The following IL1RAPL2 variants were observed in gnomAD, a reference collection of about 807,000 sequenced individuals.
The protein encoded by IL1RAPL2 is interleukin 1 receptor accessory protein like 2.
In IL1RAPL2, 3 loss-of-function variants were observed where a neutral mutation model predicts 44.1. The observed-to-expected ratio is 0.07, with a 90% CI of 0.03 to 0.18. IL1RAPL2 has a LOEUF of 0.18. IL1RAPL2 is among the 10% of genes least tolerant of loss of function. The pLI, the probability that IL1RAPL2 is intolerant of heterozygous loss-of-function variation, is 1.00. For synonymous variants in IL1RAPL2, 181 were observed against 178.8 expected (o/e 1.01, Z -0.10); for missense variants, 391 against 496.4 (o/e 0.79, Z 2.02).
At chrX:105,570,524 C>A (rs917787006) in intron 6 of IL1RAPL2, among the ~76,000 whole-genome samples, 1 of 111,974 alleles carries the variant, frequency 8.9e-6, no homozygotes, top group Non-Finnish European at 1.9e-5. Flanking sequence ...AATCTCCATA[C>A]TGTTTTCCAC....
intron 5 of IL1RAPL2, among the ~76,000 whole-genome samples, chrX:105,448,474 C>T (rs1002814383): frequency 9.1e-6 from 1 of 110,049 alleles, no homozygotes; most frequent in Non-Finnish European, 1.9e-5. Flanking sequence ...AGGTGATCCC[C>T]CTGCCTCAGC....
chrX:105,719,766 A>AAATT (rs2038287199), intron 7 of IL1RAPL2, among the ~76,000 whole-genome samples: 1 of 109,944 alleles, frequency 9.1e-6, no homozygotes, highest in Non-Finnish European at 1.9e-5. Flanking sequence ...AAAACCCTTG[A>AAATT]AATTAATTGC....
intron 2 of IL1RAPL2, among the ~76,000 whole-genome samples, chrX:104,937,748 T>A (rs1925062227): frequency 8.9e-6 from 1 of 112,512 alleles, no homozygotes; most frequent in Non-Finnish European, 1.9e-5. Flanking sequence ...ATATTGCTCC[T>A]CCCATTACCA....
intron 2 of IL1RAPL2, among the ~76,000 whole-genome samples, chrX:104,687,555 G>A (rs1055293820): frequency 9.0e-6 from 1 of 111,379 alleles, no homozygotes. Context: ...GAGATTTGGT[G>A]GGGACAAATA....
chrX:105,572,370 G>A (rs1026614782), intron 6 of IL1RAPL2, among the ~76,000 whole-genome samples: 2 of 112,013 alleles, frequency 1.8e-5, no homozygotes, highest in African/African-American at 3.2e-5. Context: ...GAATGCATAC[G>A]AAAGCCTAAA....
At chrX:104,681,775 A>G (rs975377655) in intron 2 of IL1RAPL2, among the ~76,000 whole-genome samples, 2 of 112,737 alleles carry the variant, frequency 1.8e-5, no homozygotes, top group Admixed American at 9.3e-5. Context: ...CTTCTGTGAT[A>G]CACCAAGGCT....
intron 5 of IL1RAPL2, among the ~76,000 whole-genome samples, chrX:105,271,490 G>A (rs1329425878): frequency 9.0e-6 from 1 of 111,413 alleles, no homozygotes; most frequent in Non-Finnish European, 1.9e-5. Flanking sequence ...AAGTAAGACA[G>A]GAGAGTTGGT....
chrX:105,407,476 T>C (rs180771898), intron 5 of IL1RAPL2, among the ~76,000 whole-genome samples: 39 of 111,910 alleles, frequency 3.5e-4, no homozygotes, highest in Admixed American at 3.4e-3. Context: ...AGTATGGATA[T>C]TTAAATTGTT....
At chrX:105,008,126 C>G (rs2030978515) in intron 2 of IL1RAPL2, among the ~76,000 whole-genome samples, 1 of 111,007 alleles carries the variant, frequency 9.0e-6, no homozygotes, top group East Asian at 2.9e-4. Context: ...AATCCAAGAG[C>G]ATAATGTTGG....
rs571758767 is a variant in IL1RAPL2 at position 104,847,267 on chromosome X, C to A, written c.82+188272C>A. 1.4e-3 allele frequency among the ~76,000 whole-genome samples: 159 copies of A among 111,761 alleles called. 1 individual carries two copies. The highest frequency in any genetic ancestry group is 4.8e-3 in the African/African-American group (147 of 30,751). On this transcript the variant is annotated intron_variant, in intron 2 of 10. Coordinates refer to ENST00000372582, the MANE Select transcript of IL1RAPL2 (RefSeq NM_017416.2). ...GGTGTTTTAATCATGAAGTCCTTGCCCATGCCTATGTCCTGAATGGTAATG... is the reference window on the plus strand; with the variant it reads ...GGTGTTTTAATCATGAAGTCCTTGCACATGCCTATGTCCTGAATGGTAATG...
intron 5 of IL1RAPL2, among the ~76,000 whole-genome samples, chrX:105,409,115 T>C (rs2035672953): frequency 9.0e-6 from 1 of 111,426 alleles, no homozygotes; most frequent in East Asian, 2.8e-4. Context: ...TACAAGCATA[T>C]AGCTTAATAT....
chrX:104,616,028 T>C (rs1400642288), intron 1 of IL1RAPL2, among the ~76,000 whole-genome samples: 1 of 110,872 alleles, frequency 9.0e-6, no homozygotes, highest in Non-Finnish European at 1.9e-5. Flanking sequence ...AATGTCTTCT[T>C]TTGAGAAATG....
In IL1RAPL2 at chrX:104,631,996, T is replaced by C. The variant is rs1216418397; in HGVS notation, c.-19-26899T>C. 2.8e-3 allele frequency among the ~76,000 whole-genome samples: 308 copies of C among 111,461 alleles called. 1 individual carries two copies. Among genetic ancestry groups the C allele is most frequent in the Admixed American group, 6.7e-3 (70 of 10,450 alleles). The stretch of plus-strand genomic sequence containing the variant: ...TTAGGTCTAACATTTAAGTCTTTAA[T>C]CCATCATGAATTAATTTTTGTATAA... On this transcript the variant is annotated intron_variant, in intron 1 of 10. Transcript: ENST00000372582.
intron 5 of IL1RAPL2, among the ~76,000 whole-genome samples, chrX:105,386,115 T>G (rs1817313643): frequency 8.9e-6 from 1 of 111,808 alleles, no homozygotes; most frequent in Non-Finnish European, 1.9e-5. Context: ...GAAAATTTCC[T>G]GTGATCCCCG....
intron 2 of IL1RAPL2, among the ~76,000 whole-genome samples, chrX:104,753,488 C>T (rs765266898): frequency 4.5e-5 from 5 of 111,233 alleles, no homozygotes; most frequent in East Asian, 2.8e-4. Context: ...CTAAAACATC[C>T]GAGTATTTTT....
chrX:105,078,040 G>A (rs1014625328), intron 2 of IL1RAPL2, among the ~76,000 whole-genome samples: 4 of 111,457 alleles, frequency 3.6e-5, no homozygotes, highest in Non-Finnish European at 5.7e-5. Context: ...CTCTCAACTC[G>A]TCATTCTCCG....
In IL1RAPL2 at chrX:104,758,146, G is replaced by A. The variant is rs186817516; in HGVS notation, c.82+99151G>A. Reference sequence around the variant, plus strand: ...CTGAGTCAAAAATCACATCCTTTGGGAAAAGAGAATTAATTGAATGCTTGT... The same window carrying A: ...CTGAGTCAAAAATCACATCCTTTGGAAAAAGAGAATTAATTGAATGCTTGT... On this transcript the variant is annotated intron_variant, in intron 2 of 10. Transcript: ENST00000372582. Among the ~76,000 whole-genome samples, 44 of 111,778 alleles carry A rather than the reference G, an allele frequency of 3.9e-4. No individual in the cohort carries two copies. The East Asian group carries it at 1.0e-2, about 25-fold the overall frequency.
chrX:105,204,798 G>A (rs1370551610), intron 3 of IL1RAPL2, among the ~76,000 whole-genome samples: 2 of 111,635 alleles, frequency 1.8e-5, no homozygotes, highest in Admixed American at 9.5e-5. Flanking sequence ...TCAACCAGGG[G>A]ACTCACAGTT....
chrX:105,307,317 T>C, intron 5 of IL1RAPL2, among the ~76,000 whole-genome samples: 1 of 93,397 alleles, frequency 1.1e-5, no homozygotes, highest in East Asian at 3.5e-4. Flanking sequence ...ATGCCTATAG[T>C]CCCAACTACT....
Sources: allele counts gnomAD v4.1 joint callset (sites outside exome capture counted in the v4.1 genomes callset), GRCh38; gene constraint gnomAD v4.1.1; transcripts MANE v1.5; gene names NCBI Gene and HGNC (gene_info 2026-07-23, HGNC 2026-07-21).